The following ASS1 variants were observed in gnomAD, a reference collection of about 807,000 sequenced individuals.
ASS1 encodes argininosuccinate synthase.
Under a neutral mutation model 60.5 loss-of-function variants are expected in ASS1, and 58 were observed. That is an observed-to-expected ratio of 0.96 (90% CI 0.78 to 1.19). The LOEUF is 1.19. Among genes scored for constraint, ASS1 ranks in the 50% most tolerant of loss-of-function variants. The pLI, the probability that ASS1 is intolerant of heterozygous loss-of-function variation, is 0.00. For synonymous variants in ASS1, 200 were observed against 206.9 expected (o/e 0.97, Z 0.29); for missense variants, 454 against 547.3 (o/e 0.83, Z 1.70).
chr9:130,471,547 G>C (rs1279769764), intron 8 of ASS1, 32 bp downstream of exon 8: 1 of 1,605,120 alleles, frequency 6.2e-7, no homozygotes, highest in African/African-American at 1.3e-5. Flanking sequence ...CCTCCCAGCT[G>C]GCCACCTTTG....
rs1057517259 is a variant in ASS1 at position 130,471,484 on chromosome 9, G to T, written c.567-1G>T. The T allele has an allele frequency of 6.2e-7, 1 of 1,614,140 alleles. No homozygotes were observed. Among genetic ancestry groups the T allele is most frequent in the East Asian group, 2.2e-5 (1 of 44,882 alleles). On this transcript the variant is annotated splice_acceptor_variant, in intron 7 of 14. Transcript: ENST00000352480. LOFTEE classifies it high-confidence loss of function. ...CCCTGTCTTTCCTTTCCCCTCCGCA[G>T]CTACGAGGCTGGAATCCTGGAGAAC...
At chr9:130,499,483 C>T (rs748441928) in intron 13 of ASS1, 22 bp from the exon 14 acceptor site, 3 of 1,612,100 alleles carry the variant, frequency 1.9e-6, no homozygotes, top group Non-Finnish European at 2.5e-6. Context: ...GCTGAGCTGA[C>T]AAGCTTCTAC....
intron 5 of ASS1, among the ~76,000 whole-genome samples, chr9:130,465,056 A>ATATATATATATTTTTTTTTTTTTTTT (rs1479147331): frequency 2.5e-5 from 3 of 120,142 alleles, no homozygotes; most frequent in African/African-American, 1.1e-4. Context: ...ATATATATAT[A>ATATATATATATTTTTTTTTTTTTTTT]TTTTTTTTTT....
chr9:130,462,059 C>T (rs1845609045), intron 4 of ASS1, among the ~76,000 whole-genome samples: 1 of 152,188 alleles, frequency 6.6e-6, no homozygotes. Flanking sequence ...AATTGAGCCG[C>T]ACTCTCCCCT....
intron 9 of ASS1, among the ~76,000 whole-genome samples, chr9:130,479,186 C>T (rs1280950449): frequency 1.3e-5 from 2 of 152,008 alleles, no homozygotes; most frequent in Non-Finnish European, 2.9e-5. Flanking sequence ...CCTGCTGGAG[C>T]GGGCACCGTG....
chr9:130,497,538 G>A (rs1269386103), intron 13 of ASS1, among the ~76,000 whole-genome samples: 4 of 151,350 alleles, frequency 2.6e-5, no homozygotes, highest in African/African-American at 7.3e-5. Context: ...CCACCTCCCC[G>A]CTCACTTCAA....
chr9:130,500,438 A>G (rs993529597), intron 14 of ASS1, among the ~76,000 whole-genome samples: 11 of 152,056 alleles, frequency 7.2e-5, no homozygotes, highest in African/African-American at 2.7e-4. Context: ...CTCCCTTCTC[A>G]TGGGGATTGG....
chr9:130,497,694 G>C (rs905546145), intron 13 of ASS1, among the ~76,000 whole-genome samples: 1 of 152,212 alleles, frequency 6.6e-6, no homozygotes, highest in African/African-American at 2.4e-5. Context: ...CTTGGGGAAC[G>C]GGATGGGGAG....
rs1846028379 is a variant in ASS1 at position 130,476,720 on chromosome 9, G to A, written c.598-151G>A. 1 of 779,312 alleles carries A rather than the reference G, an allele frequency of 1.3e-6. No homozygotes were observed. The highest frequency in any genetic ancestry group is 1.7e-5 in the African/African-American group (1 of 58,578). 48.3% of individuals were successfully genotyped at this position (779,312 alleles called of 1,614,324 possible). A position where few individuals can be genotyped will look rare whatever the true frequency, so the allele number is the denominator to read the frequency against. ...CTCTGGCAAGCGAGGCTGGTGCTAGGCTGAGGGCTGGGGACCGGGGGATCT... is the reference window on the plus strand; with the variant it reads ...CTCTGGCAAGCGAGGCTGGTGCTAGACTGAGGGCTGGGGACCGGGGGATCT... On this transcript the variant is annotated intron_variant, in intron 8 of 14. Transcript: ENST00000352480. This position sits in a 1 kb window ranked among gnomAD's most constrained non-coding sequence, Gnocchi z 4.9.
chr9:130,464,995 AT>A (rs1352821793), intron 5 of ASS1, among the ~76,000 whole-genome samples: 5 of 147,270 alleles, frequency 3.4e-5, no homozygotes, highest in African/African-American at 9.9e-5. Context: ...ATATATAAAT[AT>A]TTTTATATAA....
chr9:130,464,010 A>G (rs1282853267), intron 4 of ASS1, 101 bp from the exon 5 acceptor site: 1 of 1,294,196 alleles, frequency 7.7e-7, no homozygotes, highest in African/African-American at 1.5e-5. Context: ...CGCTCTGCCC[A>G]GCTCTGTCTC....
At chr9:130,446,604 C>G (rs1032704651) in intron 1 of ASS1, among the ~76,000 whole-genome samples, 1 of 152,218 alleles carries the variant, frequency 6.6e-6, no homozygotes, top group African/African-American at 2.4e-5. Flanking sequence ...GGAGGCCCCA[C>G]TCTCAGCACA....
At chr9:130,500,904 T>C in intron 14 of ASS1, 72 bp from the exon 15 acceptor site, 1 of 1,541,264 alleles carries the variant, frequency 6.5e-7, no homozygotes, top group Admixed American at 1.7e-5. Flanking sequence ...CAGCTCTGCC[T>C]GAATTAATTG....
chr9:130,465,236 G>T (rs1051675870), intron 5 of ASS1, among the ~76,000 whole-genome samples: 1 of 151,702 alleles, frequency 6.6e-6, no homozygotes, highest in Non-Finnish European at 1.5e-5. Context: ...GGCCAGGCTG[G>T]TCTTGAACTC....
chr9:130,448,422 G>GCGCACACACACACACACACACACACA (rs71387350), intron 1 of ASS1, among the ~76,000 whole-genome samples: 37 of 143,290 alleles, frequency 2.6e-4, no homozygotes, highest in African/African-American at 9.9e-4. Flanking sequence ...GTGTGCGCGC[G>GCGCACACACACACACACACACACACA]CACACACACA....
At position 130,489,255 on chromosome 9, in the gene ASS1, T is replaced by G. The variant is rs1175599281; in HGVS notation, c.839-78T>G. The stretch of plus-strand genomic sequence containing the variant: ...CTCATTATTATTATTATTTTTTTTT[T>G]TGTCATTTGCTGACAGTTTGGGTTT... On this transcript the variant is annotated intron_variant, in intron 11 of 14. Transcript: ENST00000352480. The surrounding 1 kb of genome is among the most constrained non-coding windows in gnomAD (Gnocchi z 4.1). 1.3e-6 allele frequency: 2 copies of G among 1,566,188 alleles called. No individual in the cohort carries two copies. The highest frequency in any genetic ancestry group is 1.7e-6 in the Non-Finnish European group (2 of 1,146,820).
Position 130,478,093 on chromosome 9 carries a change from A to T in ASS1, c.688+1132A>T, listed in dbSNP as rs1210693086. On this transcript the variant is annotated intron_variant, in intron 9 of 14. Transcript: ENST00000352480. This position sits in a 1 kb window ranked among gnomAD's most constrained non-coding sequence, Gnocchi z 4.7. ...ACAGGTGCCCGGCATGGTATGTGGAATGGGGTGTCGGAGGCTAAGTGCTTT... is the reference window on the plus strand; with the variant it reads ...ACAGGTGCCCGGCATGGTATGTGGATTGGGGTGTCGGAGGCTAAGTGCTTT... 6.6e-6 allele frequency among the ~76,000 whole-genome samples: 1 copy of T among 152,156 alleles called. No homozygotes were observed. The highest frequency in any genetic ancestry group is 2.4e-5 in the African/African-American group (1 of 41,444).
chr9:130,453,749 A>G (rs977087506), intron 2 of ASS1, among the ~76,000 whole-genome samples: 3 of 152,208 alleles, frequency 2.0e-5, no homozygotes, highest in Non-Finnish European at 4.4e-5. Flanking sequence ...AGGCAGCAGG[A>G]AACATGGCAG....
intron 11 of ASS1, among the ~76,000 whole-genome samples, chr9:130,484,799 GCA>G (rs3030699): frequency 0.45 from 65,871 of 146,408 alleles, 14,942 homozygotes; most frequent in East Asian, 0.73. Flanking sequence ...AGCTTTAAAC[GCA>G]CACACACACA....
Sources: allele counts gnomAD v4.1 joint callset (sites outside exome capture counted in the v4.1 genomes callset), GRCh38; gene constraint gnomAD v4.1.1; non-coding constraint Gnocchi (gnomAD v3.1); transcripts MANE v1.5; gene names NCBI Gene and HGNC (gene_info 2026-07-23, HGNC 2026-07-21).